The following SGCD variants were observed in gnomAD, a reference collection of about 807,000 sequenced individuals.
SGCD encodes delta-sarcoglycan.
Under a neutral mutation model 36.6 loss-of-function variants are expected in SGCD, and 18 were observed. The observed-to-expected ratio is 0.49, with a 90% CI of 0.34 to 0.73. SGCD has a LOEUF of 0.73. Ranked by LOEUF, SGCD falls within the 30% of genes least tolerant of loss-of-function variation. SGCD has a pLI of 0.01. For missense variants in SGCD, 387 were observed against 346.7 expected, an observed-to-expected ratio of 1.12 and a Z score of -0.92; for synonymous variants, 133 against 130.6, an observed-to-expected ratio of 1.02 and a Z score of -0.12.
At chr5:156,105,881 G>C (rs1347098661) in intron 1 of SGCD, among the ~76,000 whole-genome samples, 1 of 151,880 alleles carries the variant, frequency 6.6e-6, no homozygotes, top group African/African-American at 2.4e-5. Context: ...GGGAGGCCAA[G>C]GCGGGTGGAT....
intron 1 of SGCD, among the ~76,000 whole-genome samples, chr5:155,984,349 G>A (rs949321247): frequency 1.6e-4 from 25 of 152,050 alleles, no homozygotes; most frequent in African/African-American, 5.8e-4. Flanking sequence ...TCCTAAATCT[G>A]TTCGTGATCT....
At chr5:156,340,032 G>A (rs1323736593) in intron 2 of SGCD, among the ~76,000 whole-genome samples, 1 of 152,138 alleles carries the variant, frequency 6.6e-6, no homozygotes, top group Non-Finnish European at 1.5e-5. Context: ...ATTGATGGTT[G>A]TAATGTAGAA....
chr5:156,100,587 A>C (rs577015615), intron 1 of SGCD, among the ~76,000 whole-genome samples: 1 of 152,358 alleles, frequency 6.6e-6, no homozygotes, highest in Non-Finnish European at 1.5e-5. Flanking sequence ...ATTACTCAGC[A>C]TCACTTTTCC....
intron 3 of SGCD, chr5:156,393,679 A>T (rs1411989461): frequency 2.0e-5 from 9 of 453,592 alleles, no homozygotes; most frequent in South Asian, 1.4e-4. Context: ...ACAAATTAAG[A>T]TCATCCATCT....
intron 3 of SGCD, among the ~76,000 whole-genome samples, chr5:156,423,243 T>TATATTTTA (rs1561685433): frequency 4.5e-3 from 18 of 3,972 alleles, no homozygotes; most frequent in African/African-American, 8.9e-3. Flanking sequence ...TATATTATAT[T>TATATTTTA]TTATAATATT....
chr5:156,446,162 C>T (rs778449964), intron 3 of SGCD, among the ~76,000 whole-genome samples: 5 of 152,106 alleles, frequency 3.3e-5, no homozygotes, highest in African/African-American at 4.8e-5. Context: ...GAAATGCAGG[C>T]AGAGAGGTTT....
chr5:156,258,219 A>G (rs1486971445), intron 3 of SGCD, among the ~76,000 whole-genome samples: 1 of 152,220 alleles, frequency 6.6e-6, no homozygotes, highest in Non-Finnish European at 1.5e-5. Context: ...ACAGCTTTTT[A>G]GTACTCATGC....
chr5:156,345,493 T>C (rs894144497), intron 3 of SGCD, among the ~76,000 whole-genome samples: 1 of 152,188 alleles, frequency 6.6e-6, no homozygotes, highest in Non-Finnish European at 1.5e-5. Flanking sequence ...TTTCCTTTCT[T>C]GTTCTGATGT....
In SGCD at chr5:156,487,316, C is replaced by T. The variant is rs371880044; in HGVS notation, c.193-21285C>T. 2.6e-5 allele frequency among the ~76,000 whole-genome samples: 4 copies of T among 152,250 alleles called. No homozygotes were observed. The East Asian group carries it at 5.8e-4, about 22-fold the overall frequency. On this transcript the variant is annotated intron_variant, in intron 3 of 8. Transcript: ENST00000337851. ...CTACCCAGAATCAAAGCCAAAGCAT[C>T]CTACTCAATCAACACTATAGATGCA...
intron 1 of SGCD, among the ~76,000 whole-genome samples, chr5:155,918,943 G>A (rs561151621): frequency 6.6e-6 from 1 of 152,360 alleles, no homozygotes; most frequent in Non-Finnish European, 1.5e-5. Flanking sequence ...AAGAGGTAAA[G>A]AGAGGAAGGC....
chr5:156,467,786 C>T (rs1754779367), intron 3 of SGCD, among the ~76,000 whole-genome samples: 1 of 152,184 alleles, frequency 6.6e-6, no homozygotes, highest in African/African-American at 2.4e-5. Flanking sequence ...GGCATGAGCC[C>T]ATATATTAAA....
chr5:155,929,537 C>T lies in SGCD; in HGVS notation c.-282+59113C>T, dbSNP rs10066105. Among the ~76,000 whole-genome samples the T allele has an allele frequency of 1.7e-3, 257 of 152,224 alleles. 2 individuals are homozygous for T. The highest frequency in any genetic ancestry group is 6.0e-3 in the African/African-American group (250 of 41,520). ...CTTCCACTCTTAAGATAGCTCAGCTCATAGAGTAGCCTCTCTCACTAATCT... is the reference window on the plus strand; with the variant it reads ...CTTCCACTCTTAAGATAGCTCAGCTTATAGAGTAGCCTCTCTCACTAATCT... On this transcript the variant is annotated intron_variant, in intron 1 of 9. Transcript: ENST00000517913.
chr5:155,971,594 C>G (rs1328999767), intron 1 of SGCD, among the ~76,000 whole-genome samples: 1 of 151,956 alleles, frequency 6.6e-6, no homozygotes, highest in Non-Finnish European at 1.5e-5. Context: ...GTTGCAAATC[C>G]AGAGACCACA....
At chr5:155,876,043 T>G (rs1440113212) in intron 1 of SGCD, among the ~76,000 whole-genome samples, 1 of 150,952 alleles carries the variant, frequency 6.6e-6, no homozygotes, top group African/African-American at 2.5e-5. Flanking sequence ...TTGTTTTATT[T>G]TTTTATTTAT....
chr5:155,807,531 C>A, the SGCD span, among the ~76,000 whole-genome samples: 1 of 152,230 alleles, frequency 6.6e-6, no homozygotes, highest in Non-Finnish European at 1.5e-5. Context: ...GCCAACCTGG[C>A]AGTGAATGAT....
At position 155,992,795 on chromosome 5, in the gene SGCD, G is replaced by T. The variant is rs186166530; in HGVS notation, c.-282+122371G>T. On this transcript the variant is annotated intron_variant, in intron 1 of 9. Coordinates refer to the SGCD transcript ENST00000517913. ...ACCAGAAGGCTGGGGTTGACTTGATGGCTGGAATCATCTGTGCATTAATTA... is the reference window on the plus strand; with the variant it reads ...ACCAGAAGGCTGGGGTTGACTTGATTGCTGGAATCATCTGTGCATTAATTA... 1.8e-4 allele frequency among the ~76,000 whole-genome samples: 27 copies of T among 152,242 alleles called. 1 individual carries two copies. Among genetic ancestry groups the T allele is most frequent in the Admixed American group, 1.6e-3 (25 of 15,302 alleles).
At chr5:155,781,734 G>A in the SGCD span, among the ~76,000 whole-genome samples, 1 of 152,108 alleles carries the variant, frequency 6.6e-6, no homozygotes, top group African/African-American at 2.4e-5. Context: ...GCCTCCCAAA[G>A]TGCTAGGATT....
intron 4 of SGCD, among the ~76,000 whole-genome samples, chr5:156,515,003 C>T (rs947587346): frequency 2.6e-5 from 4 of 152,108 alleles, no homozygotes; most frequent in East Asian, 1.9e-4. Context: ...AGATTTCATC[C>T]GATGTTTGGA....
chr5:156,147,575 G>A (rs550340183), intron 3 of SGCD, among the ~76,000 whole-genome samples: 3 of 152,296 alleles, frequency 2.0e-5, no homozygotes, highest in East Asian at 1.9e-4. Context: ...CTTGTATGCA[G>A]TAAATTGTCA....
Sources: gnomAD v4.1 joint callset for allele counts (sites outside exome capture counted in the v4.1 genomes callset) on GRCh38, gnomAD v4.1.1 for gene constraint, MANE v1.5 for transcripts, NCBI Gene and HGNC (gene_info 2026-07-23, HGNC 2026-07-21) for gene names.